XRN1: variants seen among roughly 807,000 people sequenced by gnomAD.
XRN1 encodes the protein strand-exchange protein 1 homolog.
Under a neutral mutation model 222.3 loss-of-function variants are expected in XRN1, and 67 were observed. That is an observed-to-expected ratio of 0.30 (90% CI 0.25 to 0.37). The LOEUF (loss-of-function observed/expected upper bound fraction) is 0.37, where lower values mean the gene tolerates loss of function less well. Ranked by LOEUF, XRN1 falls within the 10% of genes least tolerant of loss-of-function variation. XRN1 has a pLI of 1.00. For synonymous variants in XRN1, 643 were observed against 652.4 expected (o/e 0.99, Z 0.22); for missense variants, 1,707 against 2,000.2 (o/e 0.85, Z 2.80).
At chr3:142,355,833 G>C (rs1020123346) in intron 31 of XRN1, among the ~76,000 whole-genome samples, 3 of 151,880 alleles carry the variant, frequency 2.0e-5, no homozygotes, top group African/African-American at 7.3e-5. Flanking sequence ...GCCCAGGCTG[G>C]TGTTGAACTA....
chr3:142,336,878 T>C (rs1577243599), intron 33 of XRN1, among the ~76,000 whole-genome samples: 1 of 152,110 alleles, frequency 6.6e-6, no homozygotes, highest in Non-Finnish European at 1.5e-5. Context: ...ATATTTATCA[T>C]TATCAGATTT....
intron 26 of XRN1, among the ~76,000 whole-genome samples, 168 bp downstream of exon 26, chr3:142,371,071 G>A (rs1353751424): frequency 6.6e-6 from 1 of 151,346 alleles, no homozygotes; most frequent in Non-Finnish European, 1.5e-5. Flanking sequence ...AGGGAACCAA[G>A]GCTAAAGTGA....
At chr3:142,337,266 CT>C (rs2065876981) in intron 33 of XRN1, among the ~76,000 whole-genome samples, 1 of 152,134 alleles carries the variant, frequency 6.6e-6, no homozygotes, top group Non-Finnish European at 1.5e-5. Context: ...AAGAGCACCC[CT>C]GTCACTCTAT....
chr3:142,328,111 T>C (rs1293113252), intron 37 of XRN1, among the ~76,000 whole-genome samples: 1 of 152,228 alleles, frequency 6.6e-6, no homozygotes, highest in Non-Finnish European at 1.5e-5. Flanking sequence ...TTGGCTATTG[T>C]GACTAGTGCT....
chr3:142,425,599 T>A, intron 3 of XRN1, 61 bp from the exon 4 acceptor site: 1 of 1,366,694 alleles, frequency 7.3e-7, no homozygotes, highest in Non-Finnish European at 1.0e-6. Flanking sequence ...AAGTTCTCAG[T>A]GACAACACAT....
Position 142,383,210 on chromosome 3 carries a change from T to C in XRN1, c.2616+90A>G. 3 of 1,014,444 alleles carry C rather than the reference T, an allele frequency of 3.0e-6. No homozygotes were observed. The South Asian group carries it at 4.4e-5, about 15-fold the overall frequency. The allele number at this position is 1,014,444 out of a possible 1,614,324, so 62.8% of individuals were successfully genotyped here. On this transcript the variant is annotated intron_variant, in intron 22 of 40. Transcript: ENST00000392981. ...AATTCTTTATTTTTTCCCTTCATTA[T>C]TATATTTTAATTTAAACCTAAATGA...
At position 142,355,489 on chromosome 3, in the gene XRN1, G is replaced by C; in HGVS notation, c.3680C>G (p.Thr1227Ser). ...GTTGCAGAATTCATCATCATCTTTA[G>C]TAGGTACCTAGCAAAGTACAAACAA... ...QSLFVPTQVP[T>S]KDDDEFCNIW... The change falls in exon 32 of 41, where the codon ACT becomes AGT. Residue 1227 changes from threonine to serine, a missense_variant. Physicochemically the swap from Thr to Ser is moderately conservative, Grantham distance 58 (BLOSUM62 1). Around this residue, in one of 2 missense-constraint regions of XRN1, gnomAD observed 1,234 missense variants for 1,518.2 expected, o/e 0.81. Transcript: ENST00000392981. 6.3e-7 allele frequency: 1 copy of C among 1,587,052 alleles called. No individual in the cohort carries two copies. Among genetic ancestry groups the C allele is most frequent in the Non-Finnish European group, 8.6e-7 (1 of 1,163,944 alleles).
chr3:142,384,615 G>A lies in XRN1; in HGVS notation c.2410C>T (p.Arg804Cys), dbSNP rs757311402. The A allele has an allele frequency of 1.2e-5, 20 of 1,611,746 alleles. No homozygotes were observed. Among genetic ancestry groups the A allele is most frequent in the East Asian group, 2.2e-5 (1 of 44,654 alleles). Residue 804 changes from arginine to cysteine, a missense_variant, in exon 21 of 41, where the codon CGT becomes TGT. Coordinates refer to ENST00000392981, the MANE Select transcript of XRN1 (RefSeq NM_001282857.2). ...AVVYAQLLTG[R>C]KYQINQNGEV... The stretch of plus-strand genomic sequence containing the variant: ...CCATTTTGATTTATTTGATATTTAC[G>A]ACCTGTGAGTAACTGAGCATACACA...
intron 29 of XRN1, 69 bp downstream of exon 29, chr3:142,364,978 A>G: frequency 9.4e-6 from 14 of 1,482,862 alleles, no homozygotes; most frequent in Non-Finnish European, 1.3e-5. Flanking sequence ...GATATAAAAA[A>G]CAGACAAGCC....
Position 142,335,519 on chromosome 3 carries a change from A to C in XRN1, c.3878-10T>G. The C allele has an allele frequency of 6.2e-7, 1 of 1,610,214 alleles. No homozygotes were observed. Among genetic ancestry groups the C allele is most frequent in the South Asian group, 1.1e-5 (1 of 90,052 alleles). ...TTACACTCTTCTTTAACTAGAGACAAGAAAACAGAAATTTTCATAAATGGA... is the reference window on the plus strand; with the variant it reads ...TTACACTCTTCTTTAACTAGAGACACGAAAACAGAAATTTTCATAAATGGA... On this transcript the variant is annotated splice_polypyrimidine_tract_variant and intron_variant, in intron 33 of 40. Coordinates refer to ENST00000392981, the MANE Select transcript of XRN1 (RefSeq NM_001282857.2).
At chr3:142,370,247 A>G (rs2066949064) in intron 27 of XRN1, among the ~76,000 whole-genome samples, 2 of 152,196 alleles carry the variant, frequency 1.3e-5, no homozygotes, top group African/African-American at 4.8e-5. Context: ...ATTAGTTATG[A>G]TGGCTAATGT....
At chr3:142,421,670 G>T in intron 8 of XRN1, 127 bp from the exon 9 acceptor site, 2 of 554,362 alleles carry the variant, frequency 3.6e-6, no homozygotes, top group Non-Finnish European at 2.9e-6. Flanking sequence ...AAACAGTGTT[G>T]GACTATATCC....
At chr3:142,419,246 G>C (rs1486919859) in intron 10 of XRN1, among the ~76,000 whole-genome samples, 1 of 152,088 alleles carries the variant, frequency 6.6e-6, no homozygotes, top group East Asian at 1.9e-4. Context: ...TTGTGGTGGG[G>C]GAGCCAGGGA....
intron 27 of XRN1, among the ~76,000 whole-genome samples, chr3:142,368,007 T>G (rs1046629387): frequency 1.3e-5 from 2 of 151,126 alleles, no homozygotes; most frequent in African/African-American, 4.8e-5. Context: ...AGAAAACTCC[T>G]GTCTTATCTA....
intron 31 of XRN1, 66 bp downstream of exon 31, chr3:142,356,846 C>A: frequency 6.6e-7 from 1 of 1,516,682 alleles, no homozygotes; most frequent in Non-Finnish European, 9.0e-7. Flanking sequence ...TTTACATTTA[C>A]AAAGTCTGCT....
At chr3:142,343,044 C>T (rs1324272461) in intron 33 of XRN1, among the ~76,000 whole-genome samples, 2 of 151,894 alleles carry the variant, frequency 1.3e-5, no homozygotes, top group Non-Finnish European at 2.9e-5. Flanking sequence ...GGATAATAAC[C>T]AGAATATATA....
chr3:142,373,668 A>G (rs1027093894), intron 25 of XRN1, among the ~76,000 whole-genome samples: 4 of 152,190 alleles, frequency 2.6e-5, no homozygotes, highest in African/African-American at 7.2e-5. Context: ...ATGGAAACGA[A>G]AGGAGAATGG....
intron 1 of XRN1, among the ~76,000 whole-genome samples, chr3:142,434,495 ATT>A (rs35949325): frequency 5.6e-5 from 8 of 143,410 alleles, no homozygotes; most frequent in African/African-American, 7.8e-5. Flanking sequence ...ACTTGATCAA[ATT>A]TTTTTTTTTA....
At chr3:142,421,372 T>C (rs2069026004) in intron 9 of XRN1, 104 bp downstream of exon 9, 2 of 985,070 alleles carry the variant, frequency 2.0e-6, no homozygotes, top group African/African-American at 1.7e-5. Context: ...GAATAAGCAA[T>C]TGGAATAGAA....
Sources: allele counts gnomAD v4.1 joint callset (sites outside exome capture counted in the v4.1 genomes callset), GRCh38; gene constraint gnomAD v4.1.1; regional missense constraint gnomAD v4.1.1; transcripts MANE v1.5; gene names NCBI Gene and HGNC (gene_info 2026-07-23, HGNC 2026-07-21).